Variants in SCPEP1 observed in about 807,000 individuals in gnomAD.
SCPEP1 encodes the protein retinoid-inducible serine carboxypeptidase.
In SCPEP1, 51 loss-of-function variants were observed where a neutral mutation model predicts 63.8. The ratio of observed to expected loss-of-function variants is 0.80; its 90% CI spans 0.64 to 1.01. The LOEUF is 1.01. Among genes scored for constraint, SCPEP1 ranks in the 50% least tolerant of loss-of-function variants. SCPEP1 has a pLI of 0.00. For synonymous variants in SCPEP1, 204 were observed against 207.8 expected, an observed-to-expected ratio of 0.98 and a Z score of 0.16; for missense variants, 499 against 554.9, an observed-to-expected ratio of 0.90 and a Z score of 1.01.
chr17:57,002,968 G>C (rs12451254), intron 12 of SCPEP1, among the ~76,000 whole-genome samples: 25,873 of 152,032 alleles, frequency 0.17, 2,742 homozygotes, highest in African/African-American at 0.29. Context: ...TAGCACTAGA[G>C]ACTGCGAGCA....
intron 1 of SCPEP1, 45 bp downstream of exon 1, chr17:56,978,280 C>A (rs778531932): frequency 6.7e-7 from 1 of 1,499,620 alleles, no homozygotes; most frequent in Non-Finnish European, 8.9e-7. Context: ...CCTCTTTTTT[C>A]TCCAGGCGTG....
chr17:56,997,185 G>A (rs1298413475), intron 9 of SCPEP1, 130 bp downstream of exon 9: 2 of 562,640 alleles, frequency 3.6e-6, no homozygotes, highest in African/African-American at 3.8e-5. Flanking sequence ...ACTGTAAGTG[G>A]TTTTCAGTAT....
intron 6 of SCPEP1, among the ~76,000 whole-genome samples, chr17:56,991,875 G>T (rs538589740): frequency 1.3e-5 from 2 of 152,322 alleles, no homozygotes; most frequent in East Asian, 1.9e-4. Flanking sequence ...CTCAGGAGAT[G>T]CTAGTAGCAC....
At chr17:56,979,414 G>C (rs1911004797) in intron 1 of SCPEP1, among the ~76,000 whole-genome samples, 1 of 151,414 alleles carries the variant, frequency 6.6e-6, no homozygotes, top group Non-Finnish European at 1.5e-5. Flanking sequence ...ATAGAAGGCA[G>C]AAAACTCCAG....
At chr17:56,978,469 G>A (rs1028875110) in intron 1 of SCPEP1, among the ~76,000 whole-genome samples, 3 of 148,236 alleles carry the variant, frequency 2.0e-5, no homozygotes, top group Non-Finnish European at 4.4e-5. Context: ...TCTCTCCTAC[G>A]CCTAGATAGA....
At position 56,989,719 on chromosome 17, in the gene SCPEP1, G is replaced by A. The variant is rs145046590; in HGVS notation, c.547-1380G>A. On this transcript the variant is annotated intron_variant, in intron 5 of 12. Coordinates refer to ENST00000262288, the MANE Select transcript of SCPEP1 (RefSeq NM_021626.3). ...CCCAGCACTTTGGGAGGCCGAGGCC[G>A]GCAGATCGCTTGAGGTTAGGAGTTG... Among the ~76,000 whole-genome samples the A allele has an allele frequency of 9.1e-3, 1,388 of 152,302 alleles. 12 individuals are homozygous for A. Among genetic ancestry groups the A allele is most frequent in the Middle Eastern group, 0.027 (8 of 294 alleles).
chr17:56,986,798 G>C (rs1164637461), intron 3 of SCPEP1, among the ~76,000 whole-genome samples: 1 of 152,090 alleles, frequency 6.6e-6, no homozygotes, highest in Admixed American at 6.5e-5. Context: ...TCCCACCTCA[G>C]CCTCCCAAAG....
At chr17:56,999,481 T>C (rs1911676059) in intron 10 of SCPEP1, among the ~76,000 whole-genome samples, 1 of 152,092 alleles carries the variant, frequency 6.6e-6, no homozygotes, top group Non-Finnish European at 1.5e-5. Flanking sequence ...TTCATGTGTG[T>C]TCAAGATACC....
chr17:56,979,918 T>C (rs1911020607), intron 1 of SCPEP1, among the ~76,000 whole-genome samples: 1 of 152,192 alleles, frequency 6.6e-6, no homozygotes, highest in Non-Finnish European at 1.5e-5. Context: ...TATTTTTGTA[T>C]TTTTTTAATG....
intron 10 of SCPEP1, 98 bp from the exon 11 acceptor site, chr17:57,000,757 G>T: frequency 7.2e-7 from 1 of 1,396,386 alleles, no homozygotes; most frequent in Non-Finnish European, 1.0e-6. Context: ...GCATTCAGTC[G>T]TTGTTCGGTG....
At position 57,000,952 on chromosome 17, in the gene SCPEP1, G is replaced by T; in HGVS notation, c.1092G>T (p.Thr364=). ...DELLEAGINV[T]VYNGQLDLIV... ...TGCTGGAGGCAGGGATCAACGTGAC[G>T]GTGTATAATGGACAGCTGGATCTCA... The change falls in exon 11 of 13, where the codon ACG becomes ACT. Residue 364 remains threonine, a synonymous_variant. Transcript: ENST00000262288. 2 of 1,614,116 alleles carry T rather than the reference G, an allele frequency of 1.2e-6. No homozygotes were observed. Among genetic ancestry groups the T allele is most frequent in the Non-Finnish European group, 1.7e-6 (2 of 1,180,022 alleles).
chr17:57,005,979 G>T (rs1372630933), intron 12 of SCPEP1, among the ~76,000 whole-genome samples, 194 bp from the exon 13 acceptor site: 1 of 152,146 alleles, frequency 6.6e-6, no homozygotes, highest in South Asian at 2.1e-4. Context: ...CCCAGTCAGG[G>T]CCCAGAAGAG....
chr17:56,999,705 G>A (rs540461635), intron 10 of SCPEP1, among the ~76,000 whole-genome samples: 4 of 152,308 alleles, frequency 2.6e-5, no homozygotes, highest in East Asian at 3.9e-4. Context: ...GGGTGTGGCC[G>A]GGTGTGGTGG....
At chr17:56,996,734 G>A (rs1911575378) in intron 8 of SCPEP1, among the ~76,000 whole-genome samples, 1 of 151,260 alleles carries the variant, frequency 6.6e-6, no homozygotes, top group African/African-American at 2.4e-5. Flanking sequence ...GACCAGGCCG[G>A]TCTCGAACTC....
rs1330650254 is a variant in SCPEP1 at position 56,981,110 on chromosome 17, G to A, written c.105G>A (p.Glu35=). The change falls in exon 2 of 13, where the codon GAG becomes GAA. Residue 35 remains glutamate, a synonymous_variant. Coordinates refer to ENST00000262288, the MANE Select transcript of SCPEP1 (RefSeq NM_021626.3). ...CTGTCATTGACTGGCCCACAGAGGA[G>A]GGCAAGGAAGTATGGGATTATGTGA... is the stretch of plus-strand genomic sequence containing the variant. ...AGAVIDWPTE[E]GKEVWDYVTV... 1.2e-6 allele frequency: 2 copies of A among 1,614,158 alleles called. No individual in the cohort carries two copies. Among genetic ancestry groups the A allele is most frequent in the South Asian group, 2.2e-5 (2 of 91,084 alleles).
chr17:56,996,432 T>TG (rs1911562577), intron 8 of SCPEP1, among the ~76,000 whole-genome samples: 1 of 152,170 alleles, frequency 6.6e-6, no homozygotes, highest in African/African-American at 2.4e-5. Flanking sequence ...CTTGAACTCC[T>TG]GACCTTAGGT....
chr17:56,986,408 C>T (rs1019563266), intron 3 of SCPEP1, among the ~76,000 whole-genome samples: 9 of 151,820 alleles, frequency 5.9e-5, no homozygotes, highest in East Asian at 1.9e-4. Context: ...TTAGGAGAGA[C>T]GGGGTTTTAC....
At chr17:56,981,370 T>A (rs2144464860) in intron 2 of SCPEP1, 140 bp downstream of exon 2, 2 of 798,314 alleles carry the variant, frequency 2.5e-6, no homozygotes, top group African/African-American at 1.7e-5. Context: ...GGCGTGCTTC[T>A]GAGGTAGGCT....
rs751715939 is a variant in SCPEP1, at chr17:56,978,173, T to TG, written c.15dup (p.Arg6AlafsTer25). 1 of 1,519,788 alleles carries TG rather than the reference T, an allele frequency of 6.6e-7. No individual in the cohort carries two copies. Among genetic ancestry groups the TG allele is most frequent in the South Asian group, 1.2e-5 (1 of 86,822 alleles). The allele number at this position is 1,519,788 out of a possible 1,614,324, so 94.1% of individuals were successfully genotyped here. A position where few individuals can be genotyped will look rare whatever the true frequency, so the allele number is the denominator to read the frequency against. On this transcript the variant is annotated frameshift_variant, in exon 1 of 13. Transcript: ENST00000262288. LOFTEE classifies it high-confidence loss of function. ...GCGGTACTTGTCATGGAGCTGGCAC[T>TG]GCGGCGCTCTCCCGTCCCGCGGTGG...
Sources: gnomAD v4.1 joint callset for allele counts (sites outside exome capture counted in the v4.1 genomes callset) on GRCh38, gnomAD v4.1.1 for gene constraint, MANE v1.5 for transcripts, NCBI Gene and HGNC (gene_info 2026-07-23, HGNC 2026-07-21) for gene names.